The following NBAS variants were observed in gnomAD, a reference collection of about 807,000 sequenced individuals.
The protein encoded by NBAS is NAG/BC035112 fusion.
A neutral mutation model predicts 302.5 loss-of-function variants in NBAS; 219 were observed. The observed-to-expected ratio is 0.72, with a 90% CI of 0.65 to 0.81. The LOEUF (loss-of-function observed/expected upper bound fraction) is 0.81, where lower values mean the gene tolerates loss of function less well. Among genes scored for constraint, NBAS ranks in the 30% least tolerant of loss-of-function variants. NBAS has a pLI of 0.00. For missense variants in NBAS, 2,932 were observed against 2,841.6 expected (o/e 1.03, Z -0.72); for synonymous variants, 1,118 against 1,021.6 (o/e 1.09, Z -1.80).
intron 19 of NBAS, among the ~76,000 whole-genome samples, chr2:15,463,891 T>C (rs1421846120): frequency 6.6e-6 from 1 of 152,050 alleles, no homozygotes; most frequent in East Asian, 1.9e-4. Flanking sequence ...TCATTGTGGT[T>C]ATAGTTTCTT....
chr2:15,179,041 G>C lies in NBAS; in HGVS notation c.6787C>G (p.Arg2263Gly). Residue 2263 changes from arginine (R) to glycine (G), a missense_variant, in exon 51 of 52, where the codon CGA (arginine) becomes GGA (glycine). By Grantham distance (125) the Arg-to-Gly change is moderately radical. Coordinates refer to ENST00000281513, the MANE Select transcript of NBAS (RefSeq NM_015909.4). The stretch of plus-strand genomic sequence containing the variant: ...GCCATCTCGTGCAGATGCTCATCTC[G>C]GCTCTCGAGGAGAAGTTTCAGAGAT... Reference protein sequence around the residue: ...LPSLKLLLESRDEHLHEMALE... With the variant: ...LPSLKLLLESGDEHLHEMALE... The C allele has an allele frequency of 6.2e-7, 1 of 1,614,060 alleles. No individual in the cohort carries two copies. The highest frequency in any genetic ancestry group is 1.1e-5 in the South Asian group (1 of 91,076).
At chr2:14,780,943 GAA>G in the NBAS span, among the ~76,000 whole-genome samples, 2 of 152,140 alleles carry the variant, frequency 1.3e-5, no homozygotes. Flanking sequence ...GAGAATGAGA[GAA>G]AGAGAGGGAG....
At chr2:15,348,703 GA>G (rs1207223197) in intron 35 of NBAS, among the ~76,000 whole-genome samples, 392 of 138,278 alleles carry the variant, frequency 2.8e-3, no homozygotes, top group African/African-American at 5.2e-3. Context: ...TTCATTTTAG[GA>G]AAAAAAAAAA....
the NBAS span, among the ~76,000 whole-genome samples, chr2:14,975,839 T>G: frequency 6.7e-6 from 1 of 150,144 alleles, no homozygotes; most frequent in Non-Finnish European, 1.5e-5. Context: ...AAAAAAAAAA[T>G]GACCCAAAAG....
At chr2:14,878,873 A>G in the NBAS span, among the ~76,000 whole-genome samples, 28 of 152,276 alleles carry the variant, frequency 1.8e-4, no homozygotes, top group South Asian at 5.4e-3. Context: ...ATGGGTTTAG[A>G]CAAACATATG....
rs114602809 is a variant in NBAS at position 15,520,213 on chromosome 2, G to T, written c.747-8863C>A. ...AGCCAAGAGTTAGAGACCAGCTTGA[G>T]CAACATGGCAAGACCCCATCGCTTC... On this transcript the variant is annotated intron_variant, in intron 9 of 51. Coordinates refer to ENST00000281513, the MANE Select transcript of NBAS (RefSeq NM_015909.4). Among the ~76,000 whole-genome samples the T allele has an allele frequency of 7.7e-3, 1,168 of 152,238 alleles. 15 individuals carry two copies. Among genetic ancestry groups the T allele is most frequent in the African/African-American group, 0.025 (1,048 of 41,546 alleles).
At chr2:15,469,206 T>C (rs1332655537) in intron 16 of NBAS, among the ~76,000 whole-genome samples, 2 of 152,228 alleles carry the variant, frequency 1.3e-5, no homozygotes, top group Admixed American at 1.3e-4. Flanking sequence ...TCTCCTTCAG[T>C]TCTGCTCTGA....
intron 41 of NBAS, 137 bp downstream of exon 41, chr2:15,292,400 A>G (rs1670344784): frequency 1.2e-6 from 1 of 861,198 alleles, no homozygotes; most frequent in Non-Finnish European, 1.9e-6. Flanking sequence ...ATAAGACTAG[A>G]TGAAGTTGGG....
chr2:15,350,291 T>C (rs575653142), intron 35 of NBAS, among the ~76,000 whole-genome samples: 3 of 152,134 alleles, frequency 2.0e-5, no homozygotes, highest in African/African-American at 7.2e-5. Flanking sequence ...AAAAAAAAGT[T>C]AGTGCAGTTC....
At chr2:14,879,307 C>T in the NBAS span, among the ~76,000 whole-genome samples, 2 of 152,114 alleles carry the variant, frequency 1.3e-5, no homozygotes, top group South Asian at 4.1e-4. Flanking sequence ...TTTTGGGGGA[C>T]CTGCTAGACC....
chr2:15,320,708 T>G (rs1373193397), intron 38 of NBAS, among the ~76,000 whole-genome samples: 1 of 152,108 alleles, frequency 6.6e-6, no homozygotes, highest in Non-Finnish European at 1.5e-5. Context: ...GAAGGGCCTC[T>G]TCAAGGAGAA....
chr2:15,079,436 G>T, the NBAS span, among the ~76,000 whole-genome samples: 1 of 152,046 alleles, frequency 6.6e-6, no homozygotes, highest in Non-Finnish European at 1.5e-5. Flanking sequence ...AGGTCCCTAA[G>T]AGCCAAGCAG....
chr2:14,975,408 T>C, the NBAS span, among the ~76,000 whole-genome samples: 2 of 152,230 alleles, frequency 1.3e-5, no homozygotes, highest in African/African-American at 4.8e-5. Context: ...ATTCAACGAA[T>C]TATTCCTTCC....
At chr2:15,352,414 C>T (rs779341617) in intron 34 of NBAS, among the ~76,000 whole-genome samples, 91 of 151,910 alleles carry the variant, frequency 6.0e-4, no homozygotes, top group African/African-American at 2.2e-3. Flanking sequence ...GAGACCGAGG[C>T]GAGTTTTAGA....
the NBAS span, among the ~76,000 whole-genome samples, chr2:15,045,991 C>G: frequency 5.9e-5 from 9 of 152,320 alleles, no homozygotes; most frequent in East Asian, 1.7e-3. Flanking sequence ...TCAGCTTTCA[C>G]CAATTAGTGA....
At chr2:15,307,886 C>T (rs1403211333) in intron 40 of NBAS, among the ~76,000 whole-genome samples, 1 of 152,124 alleles carries the variant, frequency 6.6e-6, no homozygotes, top group Non-Finnish European at 1.5e-5. Context: ...AGTCATCTTC[C>T]TTTTAGAAAG....
chr2:14,851,279 C>A, the NBAS span, among the ~76,000 whole-genome samples: 1 of 147,060 alleles, frequency 6.8e-6, no homozygotes, highest in African/African-American at 2.6e-5. Context: ...ATACAAACTA[C>A]CATCAGAGAA....
At position 15,277,003 on chromosome 2, in the gene NBAS, T is replaced by A. The variant is rs764098887; in HGVS notation, c.5237A>T (p.Tyr1746Phe). 5.8e-5 allele frequency: 93 copies of A among 1,613,884 alleles called. No homozygotes were observed. Among genetic ancestry groups the A allele is most frequent in the Non-Finnish European group, 7.1e-5 (84 of 1,179,962 alleles). The change falls in exon 43 of 52, where the codon TAT becomes TTT. Residue 1746 changes from tyrosine to phenylalanine, a missense_variant. Physicochemically the swap from Tyr to Phe is conservative, Grantham distance 22. Coordinates refer to ENST00000281513, the MANE Select transcript of NBAS (RefSeq NM_015909.4). ...PEAFHQHMVK[Y>F]IYPTIGGFDH... ...AAAGCCACCAATAGTAGGGTAAATA[T>A]ACTTGACCATGTGCTGGTGAAAGGC... is the stretch of plus-strand genomic sequence containing the variant.
downstream of NBAS, among the ~76,000 whole-genome samples, chr2:15,166,491 G>A (rs1004023620): frequency 2.6e-5 from 4 of 152,164 alleles, no homozygotes; most frequent in African/African-American, 9.7e-5. Context: ...AGCTCCGGCT[G>A]TGTATCTGAT....
Sources: gnomAD v4.1 joint callset for allele counts (sites outside exome capture counted in the v4.1 genomes callset) on GRCh38, gnomAD v4.1.1 for gene constraint, MANE v1.5 for transcripts, NCBI Gene and HGNC (gene_info 2026-07-23, HGNC 2026-07-21) for gene names.